LRFN5: variants seen among roughly 807,000 people sequenced by gnomAD.
LRFN5 encodes leucine-rich repeat and fibronectin type-III domain-containing protein 5.
A neutral mutation model predicts 45.6 loss-of-function variants in LRFN5; 24 were observed. The observed-to-expected ratio is 0.53, with a 90% confidence interval of 0.38 to 0.74. The LOEUF (loss-of-function observed/expected upper bound fraction) is 0.74, where lower values mean the gene tolerates loss of function less well. LRFN5 is among the 30% of genes least tolerant of loss of function. The pLI, the probability that LRFN5 is intolerant of heterozygous loss-of-function variation, is 0.00. For missense variants in LRFN5, 776 were observed against 861.5 expected (o/e 0.90, Z 1.24); for synonymous variants, 340 against 313.8 (o/e 1.08, Z -0.88).
At chr14:41,744,220 T>A (rs1281684818) in intron 1 of LRFN5, among the ~76,000 whole-genome samples, 4 of 151,992 alleles carry the variant, frequency 2.6e-5, no homozygotes, top group African/African-American at 9.7e-5. Context: ...CCAAGCATGG[T>A]GGTGGCATGC....
intron 1 of LRFN5, among the ~76,000 whole-genome samples, chr14:41,615,336 G>A (rs1162651614): frequency 6.6e-6 from 1 of 152,054 alleles, no homozygotes; most frequent in Non-Finnish European, 1.5e-5. Context: ...GGTTGAAAGA[G>A]GCACACAAGT....
rs2139165558 is a variant in LRFN5, at chr14:41,892,934, G to T, written c.2098+972G>T. 3 of 985,262 alleles carry T rather than the reference G, an allele frequency of 3.0e-6. No homozygotes were observed. The South Asian group carries it at 1.4e-4, about 46-fold the overall frequency. The allele number at this position is 985,262 out of a possible 1,614,324, so 61.0% of individuals were successfully genotyped here. A position where few individuals can be genotyped will look rare whatever the true frequency, so the allele number is the denominator to read the frequency against. On this transcript the variant is annotated intron_variant, in intron 4 of 5. Coordinates refer to ENST00000298119, the MANE Select transcript of LRFN5 (RefSeq NM_152447.5). ...TTGTTCTTAATACAAGATAAAGAGG[G>T]AGACAAACATACAAGACTGCCTTTA...
chr14:41,806,215 C>T (rs1283522361), intron 2 of LRFN5, among the ~76,000 whole-genome samples: 2 of 152,084 alleles, frequency 1.3e-5, no homozygotes, highest in Admixed American at 6.6e-5. Context: ...TAATCTTTAA[C>T]ATTAACCTTG....
At chr14:41,900,192 CAG>C (rs1190016360) in intron 5 of LRFN5, among the ~76,000 whole-genome samples, 1 of 151,940 alleles carries the variant, frequency 6.6e-6, no homozygotes, top group Non-Finnish European at 1.5e-5. Flanking sequence ...AATTAGGAAA[CAG>C]ATGATTAATC....
At chr14:41,615,692 TC>T (rs1887905651) in intron 1 of LRFN5, among the ~76,000 whole-genome samples, 1 of 152,126 alleles carries the variant, frequency 6.6e-6, no homozygotes, top group South Asian at 2.1e-4. Context: ...CAGCCGGCAC[TC>T]ATTTTAGATG....
At chr14:41,676,799 G>A (rs1881652261) in intron 1 of LRFN5, among the ~76,000 whole-genome samples, 1 of 152,252 alleles carries the variant, frequency 6.6e-6, no homozygotes, top group South Asian at 2.1e-4. Flanking sequence ...CTGCCCCAAG[G>A]GTGACTCCTG....
intron 1 of LRFN5, among the ~76,000 whole-genome samples, chr14:41,764,810 T>C (rs1885810236): frequency 2.3e-5 from 1 of 42,632 alleles, no homozygotes; most frequent in African/African-American, 1.2e-4. Context: ...TATATGATTA[T>C]ATATGCAGAA....
Position 41,829,700 on chromosome 14 carries a change from G to A in LRFN5, c.-20-56906G>A, listed in dbSNP as rs143155128. 4.9e-3 allele frequency among the ~76,000 whole-genome samples: 706 copies of A among 144,420 alleles called. 5 individuals are homozygous for A. The highest frequency in any genetic ancestry group is 7.9e-3 in the Non-Finnish European group (509 of 64,206). The allele number at this position is 144,420 out of a possible 152,430, so 94.7% of individuals were successfully genotyped here. A position where few individuals can be genotyped will look rare whatever the true frequency, so the allele number is the denominator to read the frequency against. On this transcript the variant is annotated intron_variant, in intron 2 of 5. Coordinates refer to ENST00000298119, the MANE Select transcript of LRFN5 (RefSeq NM_152447.5). Reference sequence around the variant, plus strand: ...CATTTCAAATATTATATATTTGTGTGTGTGCTTACCTTTTTATTAATTAAA... The same window carrying A: ...CATTTCAAATATTATATATTTGTGTATGTGCTTACCTTTTTATTAATTAAA...
chr14:41,739,385 A>AATCATCATC (rs60722886), intron 1 of LRFN5, among the ~76,000 whole-genome samples: 10,613 of 148,352 alleles, frequency 0.072, 484 homozygotes, highest in Non-Finnish European at 0.093. Context: ...ACATTGTGTC[A>AATCATCATC]ATCATCATCA....
chr14:41,639,897 CT>C (rs1879488407), intron 1 of LRFN5, among the ~76,000 whole-genome samples: 1 of 151,688 alleles, frequency 6.6e-6, no homozygotes, highest in Non-Finnish European at 1.5e-5. Flanking sequence ...AACCTCCTAC[CT>C]CAGCCTCCAC....
In LRFN5 at chr14:41,855,173, G is replaced by C. The variant is rs532667354; in HGVS notation, c.-20-31433G>C. On this transcript the variant is annotated intron_variant, in intron 2 of 5. Coordinates refer to ENST00000298119, the MANE Select transcript of LRFN5 (RefSeq NM_152447.5). ...GATGTAGCAGGGTGAGAAACGGCAT[G>C]ATCAGAAGTAATAAAGCTGAATTGG... 2.6e-5 allele frequency among the ~76,000 whole-genome samples: 4 copies of C among 152,248 alleles called. No individual in the cohort carries two copies. In the South Asian group the frequency reaches 8.3e-4, roughly 32 times the overall value.
chr14:41,691,137 G>T (rs908253093), intron 1 of LRFN5, among the ~76,000 whole-genome samples: 2 of 151,852 alleles, frequency 1.3e-5, no homozygotes, highest in Admixed American at 6.6e-5. Context: ...TATTATTTAT[G>T]CACTTTCTTC....
chr14:41,858,192 C>G, intron 2 of LRFN5, among the ~76,000 whole-genome samples: 1 of 152,070 alleles, frequency 6.6e-6, no homozygotes, highest in East Asian at 1.9e-4. Flanking sequence ...GAAATATTAT[C>G]TTCACCTGTT....
Position 41,887,859 on chromosome 14 carries a change from G to T in LRFN5, c.1234G>T (p.Gly412Cys). ...AGGTTCTAATACAAGCAGTAGTAAT[G>T]GTGATACTAAATTGAGTCAAGATAA... The part of the protein sequence containing the change: ...KSGSNTSSSN[G>C]DTKLSQDKIV... Residue 412 changes from glycine (G) to cysteine (C), a missense_variant, in exon 3 of 6, where the codon GGT becomes TGT. Physicochemically the swap from Gly to Cys is radical, Grantham distance 159. This residue lies in a region of LRFN5 where 465 missense variants were observed against 456.4 expected (regional missense o/e 1.02). Transcript: ENST00000298119. The surrounding 1 kb of genome is among the most constrained non-coding windows in gnomAD (Gnocchi z 4.8). 6.2e-7 allele frequency: 1 copy of T among 1,614,028 alleles called. No individual in the cohort carries two copies. The highest frequency in any genetic ancestry group is 8.5e-7 in the Non-Finnish European group (1 of 1,179,994).
chr14:41,834,415 A>T (rs902238499), intron 2 of LRFN5, among the ~76,000 whole-genome samples: 1 of 152,102 alleles, frequency 6.6e-6, no homozygotes, highest in Non-Finnish European at 1.5e-5. Context: ...ATTGAATGAG[A>T]TCTGTATTTA....
chr14:41,893,791 T>G (rs933854725), intron 4 of LRFN5: 3 of 985,248 alleles, frequency 3.0e-6, no homozygotes, highest in Non-Finnish European at 3.6e-6. Flanking sequence ...TTTAGGCGTT[T>G]GCTAAATCCC....
At chr14:41,674,606 A>AC (rs1197866103) in intron 1 of LRFN5, among the ~76,000 whole-genome samples, 5 of 130,736 alleles carry the variant, frequency 3.8e-5, no homozygotes, top group Admixed American at 7.7e-5. Flanking sequence ...CAGGGGGCTG[A>AC]CCCCCCCACC....
At chr14:41,855,502 T>C (rs1889420590) in intron 2 of LRFN5, among the ~76,000 whole-genome samples, 1 of 152,186 alleles carries the variant, frequency 6.6e-6, no homozygotes, top group Non-Finnish European at 1.5e-5. Context: ...AGGGCAACAC[T>C]GGAGGACACT....
At chr14:41,670,910 CTGTTT>C (rs1881177426) in intron 1 of LRFN5, among the ~76,000 whole-genome samples, 1 of 151,980 alleles carries the variant, frequency 6.6e-6, no homozygotes, top group Non-Finnish European at 1.5e-5. Context: ...TTAAAAGCTT[CTGTTT>C]TATTATTTTG....
Sources: gnomAD v4.1 joint callset for allele counts (sites outside exome capture counted in the v4.1 genomes callset) on GRCh38, gnomAD v4.1.1 for gene constraint, gnomAD v4.1.1 regional missense constraint, Gnocchi (gnomAD v3.1) non-coding constraint, MANE v1.5 for transcripts, NCBI Gene and HGNC (gene_info 2026-07-23, HGNC 2026-07-21) for gene names.